The following DMD variants were observed in gnomAD, a reference collection of about 807,000 sequenced individuals.
DMD encodes mutant dystrophin.
Under a neutral mutation model 330.1 loss-of-function variants are expected in DMD, and 63 were observed. The ratio of observed to expected loss-of-function variants is 0.19; its 90% CI spans 0.16 to 0.24. The LOEUF is 0.24. DMD is among the 10% of genes least tolerant of loss of function. DMD has a pLI of 1.00. For missense variants in DMD, 3,344 were observed against 2,684.1 expected (o/e 1.25, Z -5.43); for synonymous variants, 1,223 against 959.8 (o/e 1.27, Z -5.07).
intron 44 of DMD, among the ~76,000 whole-genome samples, chrX:32,185,360 G>A (rs1336250192): frequency 1.8e-5 from 2 of 110,922 alleles, no homozygotes; most frequent in African/African-American, 6.5e-5. Flanking sequence ...TCCTGAATCT[G>A]TTTCTTCACA....
intron 67 of DMD, among the ~76,000 whole-genome samples, chrX:31,190,764 G>T (rs188662054): frequency 0.021 from 2,315 of 110,052 alleles, 76 homozygotes; most frequent in African/African-American, 0.072. Context: ...GAGAAACCCT[G>T]CCCCAATGTT....
At chrX:32,237,688 T>C (rs752616920) in intron 43 of DMD, among the ~76,000 whole-genome samples, 2 of 111,949 alleles carry the variant, frequency 1.8e-5, no homozygotes, top group Non-Finnish European at 3.8e-5. Context: ...CACTCCTACA[T>C]AGAGGCATGT....
intron 34 of DMD, among the ~76,000 whole-genome samples, chrX:32,368,127 T>C (rs1292496780): frequency 9.0e-6 from 1 of 111,616 alleles, no homozygotes; most frequent in Non-Finnish European, 1.9e-5. Context: ...ATGCTGAGCT[T>C]GCTTTCTGGA....
rs934281288 is a variant in DMD, at chrX:31,254,119, G to A, written c.9286+6836C>T. ...TGGAATAAGTAACACCAGAACATACGGTGCATCTAGATTTTAATAAACTGC... is the reference window on the plus strand; with the variant it reads ...TGGAATAAGTAACACCAGAACATACAGTGCATCTAGATTTTAATAAACTGC... On this transcript the variant is annotated intron_variant, in intron 63 of 78. Coordinates refer to ENST00000357033, the MANE Select transcript of DMD (RefSeq NM_004006.3). Among the ~76,000 whole-genome samples the A allele has an allele frequency of 2.7e-5, 3 of 111,760 alleles. No individual in the cohort carries two copies. The Admixed American group carries it at 2.8e-4, about 11-fold the overall frequency.
chrX:33,180,087 T>C (rs1273247336), intron 1 of DMD, among the ~76,000 whole-genome samples: 1 of 111,459 alleles, frequency 9.0e-6, no homozygotes, highest in Non-Finnish European at 1.9e-5. Flanking sequence ...CTGCCCACCT[T>C]GGCCTCCCAA....
intron 29 of DMD, among the ~76,000 whole-genome samples, chrX:32,420,936 AG>A (rs1416873013): frequency 1.8e-5 from 2 of 111,435 alleles, no homozygotes; most frequent in Non-Finnish European, 3.8e-5. Context: ...TAATACTCTA[AG>A]GCCAGTGTTC....
intron 2 of DMD, among the ~76,000 whole-genome samples, chrX:32,892,871 G>A (rs1265834084): frequency 8.9e-6 from 1 of 111,938 alleles, no homozygotes; most frequent in Non-Finnish European, 1.9e-5. Context: ...TTAAAGGAAT[G>A]GGAAGAGTTA....
At chrX:33,080,345 G>A (rs532962358) in intron 1 of DMD, among the ~76,000 whole-genome samples, 2 of 110,620 alleles carry the variant, frequency 1.8e-5, no homozygotes, top group African/African-American at 6.6e-5. Flanking sequence ...CCTCAGTTTC[G>A]TTCCGTTACT....
chrX:32,078,339 C>T lies in DMD; in HGVS notation c.6439-109825G>A, dbSNP rs183127510. ...GCTTCAATCTCTCCAGTACAATCGT[C>T]CTTGTCCAAGCCACTATCATCTCTC... On this transcript the variant is annotated intron_variant, in intron 44 of 78. Coordinates refer to ENST00000357033, the MANE Select transcript of DMD (RefSeq NM_004006.3). Among the ~76,000 whole-genome samples, 866 of 111,891 alleles carry T rather than the reference C, an allele frequency of 7.7e-3. 5 individuals carry two copies. Among genetic ancestry groups the T allele is most frequent in the Non-Finnish European group, 0.011 (596 of 53,163 alleles).
chrX:33,036,841 A>C (rs1349393458), intron 1 of DMD, among the ~76,000 whole-genome samples: 1 of 110,914 alleles, frequency 9.0e-6, no homozygotes, highest in African/African-American at 3.3e-5. Context: ...ATACATATAC[A>C]CATACATACG....
chrX:32,455,958 C>T lies in DMD; in HGVS notation c.3433-1126G>A, dbSNP rs73451754. Among the ~76,000 whole-genome samples the T allele has an allele frequency of 7.7e-3, 851 of 111,144 alleles. 8 individuals are homozygous for T. Among genetic ancestry groups the T allele is most frequent in the African/African-American group, 0.025 (774 of 30,762 alleles). ...TTAAAACATCTAAAAGAAAATCATACACCTTGTTACAAGGCACTCTATAGT... is the reference window on the plus strand; with the variant it reads ...TTAAAACATCTAAAAGAAAATCATATACCTTGTTACAAGGCACTCTATAGT... On this transcript the variant is annotated intron_variant, in intron 25 of 78. Coordinates refer to ENST00000357033, the MANE Select transcript of DMD (RefSeq NM_004006.3).
chrX:31,291,327 A>G (rs193125853), intron 62 of DMD, among the ~76,000 whole-genome samples: 1 of 111,551 alleles, frequency 9.0e-6, no homozygotes, highest in East Asian at 2.8e-4. Context: ...CTTCTCATTT[A>G]AAAGGAATGA....
chrX:32,558,901 A>G (rs2050630053), intron 16 of DMD, among the ~76,000 whole-genome samples: 1 of 101,541 alleles, frequency 9.8e-6, no homozygotes, highest in South Asian at 4.3e-4. Context: ...TGATACAGTT[A>G]ATTTCCAAAG....
At chrX:33,281,304 G>T (rs1326629698) in intron 1 of DMD, among the ~76,000 whole-genome samples, 1 of 108,446 alleles carries the variant, frequency 9.2e-6, no homozygotes, top group Non-Finnish European at 1.9e-5. Context: ...TCTCTCCCGG[G>T]TTCAAGAGAC....
chrX:31,940,878 G>A (rs184802222), intron 45 of DMD, among the ~76,000 whole-genome samples: 26 of 111,429 alleles, frequency 2.3e-4, no homozygotes, highest in African/African-American at 6.5e-4. Flanking sequence ...ATGGAGTGAG[G>A]AAAGGAGATT....
chrX:31,395,701 C>G (rs1254897561), intron 60 of DMD, among the ~76,000 whole-genome samples: 1 of 111,831 alleles, frequency 8.9e-6, no homozygotes, highest in Non-Finnish European at 1.9e-5. Flanking sequence ...GAGGAAAAGT[C>G]AATAAAAAAT....
intron 19 of DMD, among the ~76,000 whole-genome samples, chrX:32,492,377 G>T (rs2148640146): frequency 8.9e-6 from 1 of 112,230 alleles, no homozygotes; most frequent in African/African-American, 3.2e-5. Context: ...CAAGTACTAG[G>T]AAAAATAATC....
At chrX:32,912,771 C>G (rs1441395358) in intron 2 of DMD, among the ~76,000 whole-genome samples, 1 of 111,314 alleles carries the variant, frequency 9.0e-6, no homozygotes, top group East Asian at 2.8e-4. Context: ...GCAAATTTCA[C>G]GACCACCGTT....
At chrX:32,462,908 C>T (rs1174515552) in intron 25 of DMD, among the ~76,000 whole-genome samples, 3 of 110,778 alleles carry the variant, frequency 2.7e-5, no homozygotes, top group African/African-American at 6.6e-5. Context: ...TGCAGTGAGC[C>T]GAGTTCACAC....
Sources: allele counts gnomAD v4.1 joint callset (sites outside exome capture counted in the v4.1 genomes callset), GRCh38; gene constraint gnomAD v4.1.1; transcripts MANE v1.5; gene names NCBI Gene and HGNC (gene_info 2026-07-23, HGNC 2026-07-21).